Variants in RBFOX1 observed in about 807,000 individuals in gnomAD.
The protein encoded by RBFOX1 is RNA binding fox-1 homolog 1.
Under a neutral mutation model 57.7 loss-of-function variants are expected in RBFOX1, and 8 were observed. The ratio of observed to expected loss-of-function variants is 0.14; its 90% CI spans 0.08 to 0.25. RBFOX1 has a LOEUF of 0.25. Among genes scored for constraint, RBFOX1 ranks in the 10% least tolerant of loss-of-function variants. The probability of loss-of-function intolerance (pLI) is 1.00; values close to 1 mark genes in which losing one functional copy is unlikely to be tolerated. For synonymous variants in RBFOX1, 326 were observed against 222.4 expected (o/e 1.47, Z -4.15); for missense variants, 611 against 548.5 (o/e 1.11, Z -1.14).
intron 11 of RBFOX1, among the ~76,000 whole-genome samples, chr16:7,632,061 C>A (rs779241991): frequency 3.3e-5 from 5 of 152,084 alleles, no homozygotes; most frequent in Admixed American, 6.5e-5. Flanking sequence ...AGGTATGTAC[C>A]ACCACTCCCA....
intron 4 of RBFOX1, among the ~76,000 whole-genome samples, chr16:7,263,509 T>A (rs1394078511): frequency 6.6e-6 from 1 of 152,158 alleles, no homozygotes; most frequent in Non-Finnish European, 1.5e-5. Flanking sequence ...CCAGAGTACC[T>A]ACAGTATTGT....
chr16:5,536,959 T>C (rs1416147793), intron 2 of RBFOX1, among the ~76,000 whole-genome samples: 1 of 152,168 alleles, frequency 6.6e-6, no homozygotes, highest in Non-Finnish European at 1.5e-5. Context: ...TGCACATAAC[T>C]GCAGAACACA....
At chr16:6,577,532 A>G (rs942544537) in intron 2 of RBFOX1, among the ~76,000 whole-genome samples, 5 of 152,220 alleles carry the variant, frequency 3.3e-5, no homozygotes, top group African/African-American at 1.2e-4. Flanking sequence ...GATATAACAC[A>G]ACAAAGGTTT....
intron 4 of RBFOX1, among the ~76,000 whole-genome samples, chr16:7,259,974 C>G (rs1481542652): frequency 6.6e-6 from 1 of 152,240 alleles, no homozygotes; most frequent in South Asian, 2.1e-4. Context: ...TAATTTCAGG[C>G]TCAAGTAGTT....
At chr16:5,608,543 C>T (rs370560927) in intron 3 of RBFOX1, among the ~76,000 whole-genome samples, 8 of 152,330 alleles carry the variant, frequency 5.3e-5, no homozygotes, top group African/African-American at 1.9e-4. Flanking sequence ...ATCTGTAACA[C>T]AGAGTTGATA....
intron 3 of RBFOX1, among the ~76,000 whole-genome samples, chr16:6,833,666 A>G (rs1157503962): frequency 2.0e-5 from 3 of 152,228 alleles, no homozygotes; most frequent in Non-Finnish European, 4.4e-5. Flanking sequence ...ATTGGCACCT[A>G]GAATTGACTG....
intron 1 of RBFOX1, among the ~76,000 whole-genome samples, chr16:6,043,316 C>T (rs1285361742): frequency 6.6e-6 from 1 of 152,092 alleles, no homozygotes; most frequent in Non-Finnish European, 1.5e-5. Flanking sequence ...GAAGTCCTGG[C>T]TGCATTCATG....
chr16:6,418,537 T>A (rs187158885), intron 2 of RBFOX1, among the ~76,000 whole-genome samples: 17 of 145,504 alleles, frequency 1.2e-4, no homozygotes, highest in East Asian at 9.8e-4. Context: ...TTTTTTTTTT[T>A]TTTTTTGACA....
chr16:5,347,547 T>G (rs916750720), intron 1 of RBFOX1, among the ~76,000 whole-genome samples: 1 of 152,022 alleles, frequency 6.6e-6, no homozygotes, highest in Non-Finnish European at 1.5e-5. Context: ...CACTATTCCA[T>G]CCACCTACCG....
At chr16:6,453,743 T>C (rs1484512659) in intron 2 of RBFOX1, among the ~76,000 whole-genome samples, 1 of 152,236 alleles carries the variant, frequency 6.6e-6, no homozygotes, top group East Asian at 1.9e-4. Flanking sequence ...ATGGCAGCCA[T>C]GAGCCCCATG....
At chr16:7,387,267 A>G (rs1159730714) in intron 4 of RBFOX1, among the ~76,000 whole-genome samples, 1 of 152,214 alleles carries the variant, frequency 6.6e-6, no homozygotes, top group African/African-American at 2.4e-5. Flanking sequence ...GTATAGGATT[A>G]GTAATAAATT....
At chr16:6,788,717 C>T (rs1038350091) in intron 3 of RBFOX1, among the ~76,000 whole-genome samples, 2 of 150,486 alleles carry the variant, frequency 1.3e-5, no homozygotes, top group African/African-American at 2.5e-5. Context: ...TCTCGTGATC[C>T]GCCCGCCTCG....
chr16:7,687,002 G>T (rs945070049), intron 14 of RBFOX1, among the ~76,000 whole-genome samples: 1 of 151,934 alleles, frequency 6.6e-6, no homozygotes, highest in Non-Finnish European at 1.5e-5. Context: ...GCTTCTTTAC[G>T]AATATCATGT....
At chr16:6,510,434 C>T (rs1297324486) in intron 2 of RBFOX1, among the ~76,000 whole-genome samples, 1 of 152,196 alleles carries the variant, frequency 6.6e-6, no homozygotes, top group African/African-American at 2.4e-5. Context: ...CCTGACCTGG[C>T]TAAGCTCCCT....
chr16:7,468,203 G>C (rs1024287572), intron 4 of RBFOX1, among the ~76,000 whole-genome samples: 1 of 152,188 alleles, frequency 6.6e-6, no homozygotes, highest in Non-Finnish European at 1.5e-5. Flanking sequence ...GCTGAAAAGG[G>C]TAAGGAGACA....
Position 6,965,682 on chromosome 16 carries a change from A to C in RBFOX1, c.-15-86375A>C, listed in dbSNP as rs573629012. ...AGTTCTGGAAAATGTGAGTCCAGTGACTATATTATCTGAACTTAAAAAGTA... is the reference window on the plus strand; with the variant it reads ...AGTTCTGGAAAATGTGAGTCCAGTGCCTATATTATCTGAACTTAAAAAGTA... On this transcript the variant is annotated intron_variant, in intron 3 of 15. Transcript: ENST00000550418. Among the ~76,000 whole-genome samples the C allele has an allele frequency of 3.9e-5, 6 of 152,308 alleles. No homozygotes were observed. In the South Asian group the frequency reaches 1.2e-3, roughly 32 times the overall value.
intron 4 of RBFOX1, among the ~76,000 whole-genome samples, chr16:7,340,192 T>C (rs1166219727): frequency 1.3e-5 from 2 of 152,198 alleles, no homozygotes; most frequent in Non-Finnish European, 2.9e-5. Flanking sequence ...CCAAAATGTG[T>C]TGGTGGATAA....
intron 4 of RBFOX1, 71 bp downstream of exon 4, chr16:7,052,169 C>G: frequency 1.3e-6 from 2 of 1,556,148 alleles, no homozygotes; most frequent in South Asian, 1.2e-5. Context: ...TTCCTTGTCT[C>G]TCCCAAGACA....
intron 3 of RBFOX1, among the ~76,000 whole-genome samples, chr16:6,853,280 A>G (rs771013812): frequency 6.6e-6 from 1 of 152,126 alleles, no homozygotes; most frequent in Non-Finnish European, 1.5e-5. Context: ...GGCTGTAATT[A>G]TTATATTCTT....
Sources: gnomAD v4.1 joint callset for allele counts (sites outside exome capture counted in the v4.1 genomes callset) on GRCh38, gnomAD v4.1.1 for gene constraint, MANE v1.5 for transcripts, NCBI Gene and HGNC (gene_info 2026-07-23, HGNC 2026-07-21) for gene names.